VTI1A: variants seen among roughly 807,000 people sequenced by gnomAD.
The protein encoded by VTI1A is vesicle transport through interaction with t-SNAREs homolog 1A.
In VTI1A, 22 loss-of-function variants were observed where a neutral mutation model predicts 34.9. The observed-to-expected ratio is 0.63, with a 90% CI of 0.45 to 0.90. The LOEUF is 0.90. VTI1A is among the 40% of genes least tolerant of loss of function. The probability of loss-of-function intolerance (pLI) is 0.00; values close to 1 mark genes in which losing one functional copy is unlikely to be tolerated. For synonymous variants in VTI1A, 87 were observed against 97.3 expected, an observed-to-expected ratio of 0.89 and a Z score of 0.62; for missense variants, 268 against 275.6, an observed-to-expected ratio of 0.97 and a Z score of 0.20.
the VTI1A span, among the ~76,000 whole-genome samples, chr10:112,848,887 C>G: frequency 6.6e-6 from 1 of 152,112 alleles, no homozygotes; most frequent in Non-Finnish European, 1.5e-5. Flanking sequence ...GTTCACTAGC[C>G]ATAAAGGGTA....
intron 3 of VTI1A, among the ~76,000 whole-genome samples, chr10:112,511,559 A>G (rs576235122): frequency 1.6e-4 from 25 of 152,142 alleles, no homozygotes; most frequent in African/African-American, 6.0e-4. Flanking sequence ...GATTTTTTAC[A>G]TATTTGTATA....
rs189356321 is a variant in VTI1A, at chr10:112,710,675, A to G, written c.560+41677A>G. On this transcript the variant is annotated intron_variant, in intron 7 of 7. Coordinates refer to ENST00000393077, the MANE Select transcript of VTI1A (RefSeq NM_145206.4). ...CCAAGTTGGGGTTTACTCTGAGCTC[A>G]TGCTTTGCCTGCTTTTTTTCCCGGG... Among the ~76,000 whole-genome samples, 481 of 152,180 alleles carry G rather than the reference A, an allele frequency of 3.2e-3. 1 individual carries two copies. The highest frequency in any genetic ancestry group is 6.8e-3 in the Middle Eastern group (2 of 292).
chr10:112,687,294 C>T (rs376195888), intron 7 of VTI1A, among the ~76,000 whole-genome samples: 2 of 125,020 alleles, frequency 1.6e-5, no homozygotes, highest in East Asian at 2.5e-4. Flanking sequence ...AGTGCAGTGG[C>T]GCGATCTCAG....
At chr10:112,573,429 T>G (rs577443802) in intron 5 of VTI1A, among the ~76,000 whole-genome samples, 1 of 152,310 alleles carries the variant, frequency 6.6e-6, no homozygotes, top group Non-Finnish European at 1.5e-5. Context: ...ACCCTAATGG[T>G]ATTCATGAAA....
chr10:112,730,168 T>C (rs930853023), intron 7 of VTI1A, among the ~76,000 whole-genome samples: 5 of 152,240 alleles, frequency 3.3e-5, no homozygotes, highest in Non-Finnish European at 5.9e-5. Context: ...ATCTGCATTA[T>C]TTTAAAGGTG....
chr10:112,770,576 T>A lies in VTI1A; in HGVS notation c.561-44714T>A, dbSNP rs980704137. ...ACGCCCGGCTAATTTTTTTTTTTTT[T>A]TATGTATTTTTAGTAGAGATAGGGT... is the stretch of plus-strand genomic sequence containing the variant. On this transcript the variant is annotated intron_variant, in intron 7 of 7. Coordinates refer to ENST00000393077, the MANE Select transcript of VTI1A (RefSeq NM_145206.4). Among the ~76,000 whole-genome samples the A allele has an allele frequency of 4.2e-4, 63 of 151,270 alleles. 1 individual carries two copies. The highest frequency in any genetic ancestry group is 8.2e-4 in the African/African-American group (34 of 41,234).
At chr10:112,543,647 A>G (rs1057337906) in intron 5 of VTI1A, among the ~76,000 whole-genome samples, 5 of 152,074 alleles carry the variant, frequency 3.3e-5, no homozygotes, top group African/African-American at 9.7e-5. Context: ...CACTCTGATG[A>G]TAGTTTCTTT....
chr10:112,676,632 A>G (rs557712895), intron 7 of VTI1A, among the ~76,000 whole-genome samples: 3 of 152,254 alleles, frequency 2.0e-5, no homozygotes, highest in African/African-American at 4.8e-5. Flanking sequence ...TACTAGTGGT[A>G]ACTACTTACA....
intron 5 of VTI1A, among the ~76,000 whole-genome samples, chr10:112,618,494 T>C (rs1216176116): frequency 3.2e-5 from 2 of 61,576 alleles, no homozygotes; most frequent in East Asian, 1.4e-3. Context: ...TTATATTATA[T>C]ATATATATAT....
At chr10:112,556,957 T>C (rs1220736917) in intron 5 of VTI1A, among the ~76,000 whole-genome samples, 1 of 152,054 alleles carries the variant, frequency 6.6e-6, no homozygotes, top group African/African-American at 2.4e-5. Context: ...TGATGTCTAG[T>C]CCCTATTTAT....
chr10:112,836,167 G>A, the VTI1A span, among the ~76,000 whole-genome samples: 2 of 152,218 alleles, frequency 1.3e-5, no homozygotes, highest in South Asian at 4.1e-4. Flanking sequence ...CCTCTCTGAA[G>A]CTCAGATTAG....
At chr10:112,709,407 G>T (rs112910337) in intron 7 of VTI1A, among the ~76,000 whole-genome samples, 1 of 152,018 alleles carries the variant, frequency 6.6e-6, no homozygotes, top group African/African-American at 2.4e-5. Flanking sequence ...GCCTCTGCTG[G>T]CCCTCAGCCT....
At chr10:112,551,807 CTG>C (rs906604884) in intron 5 of VTI1A, among the ~76,000 whole-genome samples, 6 of 152,106 alleles carry the variant, frequency 3.9e-5, no homozygotes, top group African/African-American at 1.4e-4. Flanking sequence ...AGTAAGTAAA[CTG>C]TGAGCAAAGC....
At chr10:112,568,807 C>T (rs1281059751) in intron 5 of VTI1A, among the ~76,000 whole-genome samples, 1 of 152,110 alleles carries the variant, frequency 6.6e-6, no homozygotes, top group Non-Finnish European at 1.5e-5. Flanking sequence ...TGTAACTCTC[C>T]TTTGACCACC....
chr10:112,497,208 C>A (rs961145562), intron 3 of VTI1A, among the ~76,000 whole-genome samples: 5 of 151,820 alleles, frequency 3.3e-5, no homozygotes, highest in African/African-American at 1.2e-4. Context: ...ATCCCAGGTA[C>A]TCGGGAGGCT....
At chr10:112,786,778 A>G (rs924651961) in intron 7 of VTI1A, among the ~76,000 whole-genome samples, 7 of 152,204 alleles carry the variant, frequency 4.6e-5, no homozygotes. Flanking sequence ...CATTTCTGGG[A>G]TAAGTCCCAC....
In VTI1A at chr10:112,767,263, C is replaced by G. The variant is rs1851676505; in HGVS notation, c.561-48027C>G. Among the ~76,000 whole-genome samples, 1 of 152,194 alleles carries G rather than the reference C, an allele frequency of 6.6e-6. No individual in the cohort carries two copies. The highest frequency in any genetic ancestry group is 1.9e-4 in the East Asian group (1 of 5,198). ...TTTGGGTAAGTAGTTTTATCATCTC[C>G]TGCTACAGATGGTAAGGCCAAGGCC... On this transcript the variant is annotated intron_variant, in intron 7 of 7. Transcript: ENST00000393077. The surrounding 1 kb of genome is among the most constrained non-coding windows in gnomAD (Gnocchi z 4.0).
intron 7 of VTI1A, among the ~76,000 whole-genome samples, chr10:112,756,863 A>G (rs1280884273): frequency 1.3e-5 from 2 of 152,046 alleles, no homozygotes; most frequent in African/African-American, 4.8e-5. Context: ...CCTGGGCAAC[A>G]TGGCAAAACC....
At chr10:112,547,467 G>A (rs1315708556) in intron 5 of VTI1A, among the ~76,000 whole-genome samples, 1 of 151,632 alleles carries the variant, frequency 6.6e-6, no homozygotes, top group African/African-American at 2.4e-5. Flanking sequence ...AATCCCAGCT[G>A]CTTGGGAGGC....
Sources: gnomAD v4.1 joint callset for allele counts (sites outside exome capture counted in the v4.1 genomes callset) on GRCh38, gnomAD v4.1.1 for gene constraint, Gnocchi (gnomAD v3.1) non-coding constraint, MANE v1.5 for transcripts, NCBI Gene and HGNC (gene_info 2026-07-23, HGNC 2026-07-21) for gene names.